CNIH3: variants seen among roughly 807,000 people sequenced by gnomAD.
CNIH3 encodes protein cornichon homolog 3.
In CNIH3, 14 loss-of-function variants were observed where a neutral mutation model predicts 24.1. The observed-to-expected ratio is 0.58, with a 90% confidence interval of 0.38 to 0.91. CNIH3 has a LOEUF of 0.91. Among genes scored for constraint, CNIH3 ranks in the 40% least tolerant of loss-of-function variants. CNIH3 has a pLI of 0.00. For synonymous variants in CNIH3, 68 were observed against 73.8 expected (o/e 0.92, Z 0.40); for missense variants, 178 against 196.8 (o/e 0.90, Z 0.57).
At chr1:224,524,928 G>C (rs1678786456) in intron 2 of CNIH3, among the ~76,000 whole-genome samples, 1 of 152,222 alleles carries the variant, frequency 6.6e-6, no homozygotes. Context: ...TCTCCTGGGA[G>C]AGAAGAGTTC....
intron 1 of CNIH3, chr1:224,436,817 T>C (rs1674688793): frequency 2.6e-5 from 4 of 152,274 alleles, no homozygotes. Flanking sequence ...TCTGTCTTGC[T>C]CACCACAGGT....
intron 3 of CNIH3, among the ~76,000 whole-genome samples, chr1:224,720,061 C>T (rs760519130): frequency 3.7e-4 from 57 of 152,218 alleles, no homozygotes; most frequent in African/African-American, 1.4e-3. Flanking sequence ...TTGCCCATTC[C>T]CCTGTATGTG....
chr1:224,584,269 A>G (rs1447141663), intron 5 of CNIH3, among the ~76,000 whole-genome samples: 2 of 152,210 alleles, frequency 1.3e-5, no homozygotes, highest in Non-Finnish European at 2.9e-5. Flanking sequence ...TCAAGTTTCT[A>G]TTGCATAGAG....
At chr1:224,582,539 C>A (rs916776509) in intron 4 of CNIH3, among the ~76,000 whole-genome samples, 1 of 152,152 alleles carries the variant, frequency 6.6e-6, no homozygotes, top group Non-Finnish European at 1.5e-5. Flanking sequence ...TCAATCACCG[C>A]AGAACTTCCT....
chr1:224,655,943 A>T (rs1240824875), intron 1 of CNIH3, among the ~76,000 whole-genome samples: 2 of 152,230 alleles, frequency 1.3e-5, no homozygotes, highest in South Asian at 4.1e-4. Context: ...TGTGAGTTTC[A>T]GCTTCTTGTC....
intron 1 of CNIH3, among the ~76,000 whole-genome samples, chr1:224,452,609 G>T (rs533666411): frequency 1.3e-5 from 2 of 150,678 alleles, no homozygotes; most frequent in Non-Finnish European, 3.0e-5. Flanking sequence ...GTGAAACCCC[G>T]TCTCTACTAA....
At chr1:224,711,134 T>C (rs1238121963) in intron 3 of CNIH3, among the ~76,000 whole-genome samples, 2 of 152,200 alleles carry the variant, frequency 1.3e-5, no homozygotes, top group Non-Finnish European at 2.9e-5. Context: ...TTAAACGCGA[T>C]CCGAGGTATT....
intron 1 of CNIH3, among the ~76,000 whole-genome samples, chr1:224,617,614 C>A (rs2125061674): frequency 6.6e-6 from 1 of 152,324 alleles, no homozygotes; most frequent in African/African-American, 2.4e-5. Context: ...TCGGTCCCGG[C>A]AATTAGTCAA....
chr1:224,655,345 G>T (rs891098941), intron 1 of CNIH3, among the ~76,000 whole-genome samples: 1 of 152,170 alleles, frequency 6.6e-6, no homozygotes, highest in Non-Finnish European at 1.5e-5. Context: ...GGCAAGGAAG[G>T]CCAGATGGTG....
rs1249745468 is a variant in CNIH3, at chr1:224,681,032, T to A, written c.150+6T>A. ...AGTGCAATCCTGTTCATGCGGTAAG[T>A]GGCGGGTACTGGTGAGGGGAAGGTG... On this transcript the variant is annotated splice_donor_region_variant and intron_variant, in intron 2 of 5. Transcript: ENST00000272133. The A allele has an allele frequency of 1.2e-5, 20 of 1,613,496 alleles. No homozygotes were observed. The highest frequency in any genetic ancestry group is 1.7e-5 in the Non-Finnish European group (20 of 1,179,424).
chr1:224,684,566 G>C lies in CNIH3; in HGVS notation c.151-230G>C, dbSNP rs1306202718. 6.6e-6 allele frequency among the ~76,000 whole-genome samples: 1 copy of C among 152,184 alleles called. No individual in the cohort carries two copies. Among genetic ancestry groups the C allele is most frequent in the Non-Finnish European group, 1.5e-5 (1 of 68,028 alleles). ...CTGAGAGGGCAGTTGAGCCCATGCT[G>C]TTTGCTGGGAGAGTTCTGCTAAGAG... On this transcript the variant is annotated intron_variant, in intron 2 of 5. Coordinates refer to ENST00000272133, the MANE Select transcript of CNIH3 (RefSeq NM_152495.2). This position sits in a 1 kb window ranked among gnomAD's most constrained non-coding sequence, Gnocchi z 4.2.
chr1:224,627,003 A>G (rs1015854165), intron 1 of CNIH3, among the ~76,000 whole-genome samples: 5 of 152,048 alleles, frequency 3.3e-5, no homozygotes, highest in Admixed American at 6.6e-5. Flanking sequence ...GTTCTTACAC[A>G]CTTCTGTGTG....
At chr1:224,560,452 C>T (rs1237194527) in intron 3 of CNIH3, among the ~76,000 whole-genome samples, 1 of 152,106 alleles carries the variant, frequency 6.6e-6, no homozygotes, top group African/African-American at 2.4e-5. Context: ...GGAACCGGGC[C>T]CCACAGCAGG....
chr1:224,669,617 G>A (rs1433841899), intron 1 of CNIH3, among the ~76,000 whole-genome samples: 2 of 152,202 alleles, frequency 1.3e-5, no homozygotes, highest in Non-Finnish European at 2.9e-5. Flanking sequence ...GGCCAGAAAG[G>A]GGAGGAGAGC....
chr1:224,646,608 G>C (rs546856742), intron 1 of CNIH3, among the ~76,000 whole-genome samples: 1 of 152,154 alleles, frequency 6.6e-6, no homozygotes, highest in African/African-American at 2.4e-5. Flanking sequence ...GTCTTGCTCT[G>C]TTACCCAAGC....
At chr1:224,723,188 C>T (rs1236905196) in intron 3 of CNIH3, among the ~76,000 whole-genome samples, 1 of 152,148 alleles carries the variant, frequency 6.6e-6, no homozygotes, top group Non-Finnish European at 1.5e-5. Flanking sequence ...GAGCCCGGTG[C>T]AGTCCACGAA....
At chr1:224,465,180 G>T (rs1676105403) in intron 1 of CNIH3, among the ~76,000 whole-genome samples, 2 of 152,012 alleles carry the variant, frequency 1.3e-5, no homozygotes. Flanking sequence ...CACAATCTTG[G>T]CTCACCGCAA....
intron 1 of CNIH3, among the ~76,000 whole-genome samples, chr1:224,481,331 G>A (rs540876765): frequency 1.3e-5 from 2 of 152,342 alleles, no homozygotes; most frequent in African/African-American, 2.4e-5. Context: ...AGGCACTGAA[G>A]AGTTAGCTAT....
chr1:224,526,954 AC>A (rs1271883024), intron 2 of CNIH3, among the ~76,000 whole-genome samples: 19 of 152,260 alleles, frequency 1.2e-4, no homozygotes, highest in South Asian at 4.1e-4. Flanking sequence ...ACTCACTATC[AC>A]GAGGAAGCAC....
Sources: gnomAD v4.1 joint callset for allele counts (sites outside exome capture counted in the v4.1 genomes callset) on GRCh38, gnomAD v4.1.1 for gene constraint, Gnocchi (gnomAD v3.1) non-coding constraint, MANE v1.5 for transcripts, NCBI Gene and HGNC (gene_info 2026-07-23, HGNC 2026-07-21) for gene names.